FMNL2: variants seen among roughly 807,000 people sequenced by gnomAD.
FMNL2 encodes formin-like protein 2.
Under a neutral mutation model 130.2 loss-of-function variants are expected in FMNL2, and 51 were observed. The observed-to-expected ratio is 0.39, with a 90% CI of 0.31 to 0.49. FMNL2 has a LOEUF of 0.49. FMNL2 is among the 20% of genes least tolerant of loss of function. The probability of loss-of-function intolerance (pLI) is 0.85; values close to 1 mark genes in which losing one functional copy is unlikely to be tolerated. For synonymous variants in FMNL2, 465 were observed against 467.1 expected, an observed-to-expected ratio of 1.00 and a Z score of 0.06; for missense variants, 977 against 1,316.2, an observed-to-expected ratio of 0.74 and a Z score of 3.99.
chr2:152,495,659 A>AAAAAAAAAAAAAAAAAAAAAAAAAAAC (rs1691472816), intron 1 of FMNL2, among the ~76,000 whole-genome samples: 1 of 148,896 alleles, frequency 6.7e-6, no homozygotes, highest in Non-Finnish European at 1.5e-5. Context: ...TCACCAAAAA[A>AAAAAAAAAAAAAAAAAAAAAAAAAAAC]AAAAAAAAGA....
intron 1 of FMNL2, among the ~76,000 whole-genome samples, chr2:152,449,072 G>A (rs776578430): frequency 1.3e-5 from 2 of 152,212 alleles, no homozygotes; most frequent in African/African-American, 2.4e-5. Context: ...CACCAAGCAA[G>A]CACAACAGAA....
chr2:152,572,538 A>G (rs767460828), intron 6 of FMNL2, among the ~76,000 whole-genome samples: 6 of 152,146 alleles, frequency 3.9e-5, no homozygotes, highest in Non-Finnish European at 7.4e-5. Flanking sequence ...TGCAGGGCGC[A>G]GTGGCTCATG....
At chr2:152,509,736 C>CTTTTTTTTTT (rs1692386090) in intron 1 of FMNL2, among the ~76,000 whole-genome samples, 1 of 22,134 alleles carries the variant, frequency 4.5e-5, no homozygotes, top group Non-Finnish European at 1.2e-4. Flanking sequence ...GTACTCTGGA[C>CTTTTTTTTTT]CTTTTTTTTT....
chr2:152,335,782 A>C (rs985958947), intron 1 of FMNL2, 62 bp downstream of exon 1: 2 of 1,194,006 alleles, frequency 1.7e-6, no homozygotes, highest in South Asian at 1.7e-5. Context: ...GGCGCAGCTG[A>C]CCCCCGCCCC....
At chr2:152,602,131 A>ACCC (rs1698112307) in intron 9 of FMNL2, among the ~76,000 whole-genome samples, 1 of 151,888 alleles carries the variant, frequency 6.6e-6, no homozygotes. Context: ...ATAGCCCTTT[A>ACCC]CCCCCATCAG....
chr2:152,589,845 C>G (rs1280744393), intron 9 of FMNL2, among the ~76,000 whole-genome samples: 2 of 150,610 alleles, frequency 1.3e-5, no homozygotes, highest in East Asian at 3.9e-4. Context: ...CTTCTACTCC[C>G]TCACTCCTGG....
chr2:152,645,444 G>A, intron 25 of FMNL2: 1 of 1,289,352 alleles, frequency 7.8e-7, no homozygotes, highest in South Asian at 1.2e-5. Flanking sequence ...CCTTAAAGAA[G>A]AATAATATCA....
chr2:152,442,441 G>A (rs1688102699), intron 1 of FMNL2, among the ~76,000 whole-genome samples: 4 of 151,748 alleles, frequency 2.6e-5, no homozygotes, highest in South Asian at 4.2e-4. Context: ...TATGAGAGAT[G>A]TTTCACCATG....
At chr2:152,628,023 T>C (rs1681913028) in intron 17 of FMNL2, among the ~76,000 whole-genome samples, 1 of 152,184 alleles carries the variant, frequency 6.6e-6, no homozygotes. Flanking sequence ...TCCAGAGGCT[T>C]AGAGCTATGC....
intron 1 of FMNL2, among the ~76,000 whole-genome samples, chr2:152,350,419 G>A (rs186802128): frequency 5.3e-5 from 8 of 152,290 alleles, no homozygotes; most frequent in African/African-American, 1.9e-4. Flanking sequence ...TGTAGTCAGA[G>A]TTCTGCCTCT....
chr2:152,538,368 C>G (rs1361027270), intron 2 of FMNL2, among the ~76,000 whole-genome samples: 1 of 152,130 alleles, frequency 6.6e-6, no homozygotes, highest in South Asian at 2.1e-4. Context: ...CAAGCCCCAC[C>G]TCCTGGGTTC....
At chr2:152,407,568 A>T (rs1686053731) in intron 1 of FMNL2, among the ~76,000 whole-genome samples, 1 of 152,140 alleles carries the variant, frequency 6.6e-6, no homozygotes, top group Non-Finnish European at 1.5e-5. Context: ...CTCGTGCATT[A>T]AACGAAGAGG....
intron 2 of FMNL2, among the ~76,000 whole-genome samples, chr2:152,539,947 G>T (rs779540277): frequency 2.1e-4 from 32 of 152,024 alleles, no homozygotes; most frequent in Non-Finnish European, 4.1e-4. Context: ...AAAATTAGCT[G>T]GGCGTGGTTG....
chr2:152,380,224 A>G (rs2105893670), intron 1 of FMNL2, among the ~76,000 whole-genome samples: 1 of 152,348 alleles, frequency 6.6e-6, no homozygotes, highest in South Asian at 2.1e-4. Context: ...AAAGCATTCA[A>G]TAAATACTGT....
chr2:152,425,516 A>C (rs1687155245), intron 1 of FMNL2, among the ~76,000 whole-genome samples: 1 of 152,246 alleles, frequency 6.6e-6, no homozygotes, highest in South Asian at 2.1e-4. Flanking sequence ...CTTAATTTTC[A>C]AACAAAAACC....
rs1580088628 is a variant in FMNL2, at chr2:152,609,303, G to C, written c.951+1890G>C. 2.0e-5 allele frequency among the ~76,000 whole-genome samples: 3 copies of C among 152,176 alleles called. No individual in the cohort carries two copies. The East Asian group carries it at 5.8e-4, about 29-fold the overall frequency. ...CCTCTTAGGCATATCATAAAACTCA[G>C]TAGATCATTTAGACCTGTTTTCCGA... On this transcript the variant is annotated intron_variant, in intron 10 of 25. Transcript: ENST00000288670.
intron 1 of FMNL2, among the ~76,000 whole-genome samples, chr2:152,429,215 C>CAAAAAA (rs3047928): frequency 2.1e-5 from 2 of 95,780 alleles, no homozygotes; most frequent in African/African-American, 3.1e-5. Flanking sequence ...CTTAGAGGAA[C>CAAAAAA]AAAAAAAAAA....
At chr2:152,587,829 C>T (rs889324194) in intron 9 of FMNL2, among the ~76,000 whole-genome samples, 1 of 152,212 alleles carries the variant, frequency 6.6e-6, no homozygotes, top group Non-Finnish European at 1.5e-5. Flanking sequence ...ATGAATCAGA[C>T]ATATGCCCTG....
At chr2:152,428,933 C>T (rs1334520865) in intron 1 of FMNL2, among the ~76,000 whole-genome samples, 1 of 152,096 alleles carries the variant, frequency 6.6e-6, no homozygotes, top group Non-Finnish European at 1.5e-5. Flanking sequence ...TTAAAGCTTG[C>T]ATGTTCTCAC....
Sources: gnomAD v4.1 joint callset for allele counts (sites outside exome capture counted in the v4.1 genomes callset) on GRCh38, gnomAD v4.1.1 for gene constraint, MANE v1.5 for transcripts, NCBI Gene and HGNC (gene_info 2026-07-23, HGNC 2026-07-21) for gene names.